MYBPC1: variants seen among roughly 807,000 people sequenced by gnomAD.
MYBPC1 encodes the protein myosin binding protein C1.
Under a neutral mutation model 147.1 loss-of-function variants are expected in MYBPC1, and 52 were observed. The ratio of observed to expected loss-of-function variants is 0.35; its 90% CI spans 0.28 to 0.45. The LOEUF (loss-of-function observed/expected upper bound fraction) is 0.45, where lower values mean the gene tolerates loss of function less well. Ranked by LOEUF, MYBPC1 falls within the 20% of genes least tolerant of loss-of-function variation. The pLI, the probability that MYBPC1 is intolerant of heterozygous loss-of-function variation, is 1.00. For synonymous variants in MYBPC1, 477 were observed against 475.9 expected (o/e 1.00, Z -0.03); for missense variants, 1,228 against 1,440.3 (o/e 0.85, Z 2.39).
At chr12:101,678,847 C>G (rs779448209) in intron 28 of MYBPC1, among the ~76,000 whole-genome samples, 4 of 152,020 alleles carry the variant, frequency 2.6e-5, no homozygotes, top group Non-Finnish European at 5.9e-5. Context: ...TTCTTTTTTT[C>G]CTGTATATAC....
At chr12:101,670,047 C>G (rs979816145) in intron 23 of MYBPC1, 1 of 485,124 alleles carries the variant, frequency 2.1e-6, no homozygotes, top group East Asian at 4.3e-5. Context: ...AATAAAAATA[C>G]AAAGTTGCAA....
chr12:101,663,267 C>T (rs999935036), intron 21 of MYBPC1, among the ~76,000 whole-genome samples, 159 bp from the exon 22 acceptor site: 1 of 152,140 alleles, frequency 6.6e-6, no homozygotes, highest in Non-Finnish European at 1.5e-5. Context: ...AGCTCTTTGC[C>T]TTACACACAT....
chr12:101,692,744 G>A, the MYBPC1 span, among the ~76,000 whole-genome samples: 1 of 152,108 alleles, frequency 6.6e-6, no homozygotes, highest in African/African-American at 2.4e-5. Flanking sequence ...CATGATTCAA[G>A]AAATAAAATA....
rs1593696825 is a variant in MYBPC1, at chr12:101,617,090, T to C, written c.62-112T>C. The C allele has an allele frequency of 4.4e-6, 4 of 903,934 alleles. No individual in the cohort carries two copies. The East Asian group carries it at 7.7e-5, about 17-fold the overall frequency. 56.0% of individuals were successfully genotyped at this position (903,934 alleles called of 1,614,324 possible). A position where few individuals can be genotyped will look rare whatever the true frequency, so the allele number is the denominator to read the frequency against. Reference sequence around the variant, plus strand: ...CAGCACGAGTATTCAGTATCATTTATGACCTGTTCTGCTGTCATTTATTTC... The same window carrying C: ...CAGCACGAGTATTCAGTATCATTTACGACCTGTTCTGCTGTCATTTATTTC... On this transcript the variant is annotated intron_variant, in intron 2 of 31. Transcript: ENST00000361466.
At chr12:101,658,549 A>G (rs1396841326) in intron 18 of MYBPC1, among the ~76,000 whole-genome samples, 2 of 152,338 alleles carry the variant, frequency 1.3e-5, no homozygotes, top group South Asian at 2.1e-4. Flanking sequence ...AGCTAATGCA[A>G]TAAAAGAAAA....
Position 101,614,843 on chromosome 12 carries a change from G to A in MYBPC1, c.61+312G>A, listed in dbSNP as rs935850946. On this transcript the variant is annotated intron_variant, in intron 2 of 31. Coordinates refer to ENST00000361466, the MANE Select transcript of MYBPC1 (RefSeq NM_002465.4). ...GTGTGGAGGCTGAGCCTCCATCCAAGGGGCTGAAGAATTTGTGAGGCTTTT... is the reference window on the plus strand; with the variant it reads ...GTGTGGAGGCTGAGCCTCCATCCAAAGGGCTGAAGAATTTGTGAGGCTTTT... 2.7e-4 allele frequency: 115 copies of A among 430,048 alleles called. 1 individual carries two copies. The highest frequency in any genetic ancestry group is 4.3e-4 in the Non-Finnish European group (101 of 232,852). The allele number at this position is 430,048 out of a possible 1,614,324, so 26.6% of individuals were successfully genotyped here.
chr12:101,688,905 A>G (rs1319853188), downstream of MYBPC1, among the ~76,000 whole-genome samples: 3 of 149,724 alleles, frequency 2.0e-5, no homozygotes, highest in Admixed American at 1.4e-4. Flanking sequence ...ATGAGCTGAG[A>G]TCGCACCACT....
intron 24 of MYBPC1, among the ~76,000 whole-genome samples, chr12:101,670,648 T>C (rs144745448): frequency 2.0e-3 from 302 of 152,310 alleles, no homozygotes; most frequent in African/African-American, 6.9e-3. Flanking sequence ...AGATATAGTC[T>C]TGCCTGAAGC....
At chr12:101,674,844 A>G (rs1899522933) in intron 25 of MYBPC1, among the ~76,000 whole-genome samples, 1 of 138,962 alleles carries the variant, frequency 7.2e-6, no homozygotes, top group Non-Finnish European at 1.5e-5. Context: ...CCTGGGTGAC[A>G]GACCATGACT....
At position 101,651,218 on chromosome 12, in the gene MYBPC1, A is replaced by C. The variant is rs1394221950; in HGVS notation, c.1364-13A>C. On this transcript the variant is annotated splice_polypyrimidine_tract_variant and intron_variant, in intron 15 of 31. Coordinates refer to ENST00000361466, the MANE Select transcript of MYBPC1 (RefSeq NM_002465.4). ...TTGGGCTTGGCATTTGTGATGGTCT[A>C]TCATTTCTACAGTGAAACCTCTGAA... 1 of 1,614,096 alleles carries C rather than the reference A, an allele frequency of 6.2e-7. No homozygotes were observed. Among genetic ancestry groups the C allele is most frequent in the Admixed American group, 1.7e-5 (1 of 60,018 alleles).
At position 101,633,642 on chromosome 12, in the gene MYBPC1, G is replaced by A. The variant is rs183572601; in HGVS notation, c.557-912G>A. On this transcript the variant is annotated intron_variant, in intron 8 of 31. Coordinates refer to ENST00000361466, the MANE Select transcript of MYBPC1 (RefSeq NM_002465.4). ...GCGGAGGTTGCAGTGAGACAAGACC[G>A]CGCCATTGCACTCCAGCCTGGGCAA... Among the ~76,000 whole-genome samples, 373 of 151,198 alleles carry A rather than the reference G, an allele frequency of 2.5e-3. 2 individuals carry two copies. Among genetic ancestry groups the A allele is most frequent in the African/African-American group, 8.7e-3 (359 of 41,258 alleles).
intron 18 of MYBPC1, among the ~76,000 whole-genome samples, chr12:101,653,779 G>C (rs2136326893): frequency 6.6e-6 from 1 of 152,286 alleles, no homozygotes; most frequent in African/African-American, 2.4e-5. Context: ...AGGAAAGCCA[G>C]CATGGCTGGG....
At chr12:101,606,235 C>T (rs1001527205) in intron 1 of MYBPC1, among the ~76,000 whole-genome samples, 1 of 151,288 alleles carries the variant, frequency 6.6e-6, no homozygotes, top group Admixed American at 6.6e-5. Context: ...CACACACACA[C>T]AAGAATGCAC....
Position 101,634,563 on chromosome 12 carries a change from G to A in MYBPC1, c.566G>A (p.Gly189Glu). 2 of 1,612,668 alleles carry A rather than the reference G, an allele frequency of 1.2e-6. No individual in the cohort carries two copies. The highest frequency in any genetic ancestry group is 8.5e-7 in the Non-Finnish European group (1 of 1,178,858). The stretch of plus-strand genomic sequence containing the variant: ...TTCTTTCCTTTCAAAGAATCTACTG[G>A]GACTACTCCAAACATTGACATCAGA... ...SFDLEVHEST[G>E]TTPNIDIRSA... Residue 189 changes from glycine to glutamate, a missense_variant, in exon 9 of 32, where the codon GGG (glycine) becomes GAG (glutamate). Physicochemically the swap from Gly to Glu is moderately conservative, Grantham distance 98. This residue lies in a region of MYBPC1 where 1,077 missense variants were observed against 1,314.2 expected (regional missense o/e 0.82). Coordinates refer to ENST00000361466, the MANE Select transcript of MYBPC1 (RefSeq NM_002465.4).
In MYBPC1 at chr12:101,685,767, A is replaced by G; in HGVS notation, c.*205A>G. 1 of 961,448 alleles carries G rather than the reference A, an allele frequency of 1.0e-6. No individual in the cohort carries two copies. The highest frequency in any genetic ancestry group is 1.5e-6 in the Non-Finnish European group (1 of 665,840). 59.6% of individuals were successfully genotyped at this position (961,448 alleles called of 1,614,324 possible). ...AAAAAGCATTTTCTGTTTTCCCACC[A>G]GGCCCCCAAGTGTGGTCTTTTTCTT... is the stretch of plus-strand genomic sequence containing the variant. On this transcript the variant is annotated 3_prime_UTR_variant, in exon 32 of 32. Transcript: ENST00000361466.
chr12:101,599,233 T>C (rs889567938), intron 1 of MYBPC1, among the ~76,000 whole-genome samples: 1 of 152,246 alleles, frequency 6.6e-6, no homozygotes, highest in African/African-American at 2.4e-5. Flanking sequence ...TGTGTCAACA[T>C]ACAATATTCA....
rs531544521 is a variant in MYBPC1, at chr12:101,595,535, G to T, written c.25+440G>T. Among the ~76,000 whole-genome samples the T allele has an allele frequency of 2.0e-5, 3 of 152,096 alleles. No individual in the cohort carries two copies. The East Asian group carries it at 5.8e-4, about 29-fold the overall frequency. ...TACATTGGATCAAGATTTCAAAAAA[G>T]AATTTGTGACATTATTTCCATATTT... is the stretch of plus-strand genomic sequence containing the variant. On this transcript the variant is annotated intron_variant, in intron 1 of 31. Coordinates refer to ENST00000361466, the MANE Select transcript of MYBPC1 (RefSeq NM_002465.4).
chr12:101,613,079 C>T (rs1374653653), intron 1 of MYBPC1, among the ~76,000 whole-genome samples: 2 of 152,096 alleles, frequency 1.3e-5, no homozygotes, highest in Non-Finnish European at 2.9e-5. Context: ...TAGTAATAAA[C>T]TTATTTATGG....
chr12:101,602,513 G>A (rs965517135), intron 1 of MYBPC1, among the ~76,000 whole-genome samples: 5 of 152,086 alleles, frequency 3.3e-5, no homozygotes, highest in African/African-American at 2.4e-5. Flanking sequence ...CACCATGCCC[G>A]GACAGGTAAA....
Sources: gnomAD v4.1 joint callset for allele counts (sites outside exome capture counted in the v4.1 genomes callset) on GRCh38, gnomAD v4.1.1 for gene constraint, gnomAD v4.1.1 regional missense constraint, MANE v1.5 for transcripts, NCBI Gene and HGNC (gene_info 2026-07-23, HGNC 2026-07-21) for gene names.